Variants in GDAP1 observed in about 807,000 individuals in gnomAD.
GDAP1 encodes the protein ganglioside-induced differentiation-associated protein 1.
GDAP1 carries 34 observed loss-of-function variants against 40.1 expected under a neutral mutation model. The observed-to-expected ratio is 0.85, with a 90% CI of 0.64 to 1.13. GDAP1 has a LOEUF of 1.13. Among genes scored for constraint, GDAP1 ranks in the 50% most tolerant of loss-of-function variants. The probability of loss-of-function intolerance (pLI) is 0.00; values close to 1 mark genes in which losing one functional copy is unlikely to be tolerated. For synonymous variants in GDAP1, 170 were observed against 157.4 expected (o/e 1.08, Z -0.60); for missense variants, 374 against 433.7 (o/e 0.86, Z 1.22).
At chr8:74,389,356 T>C (rs986125765) in intron 2 of GDAP1, among the ~76,000 whole-genome samples, 2 of 152,224 alleles carry the variant, frequency 1.3e-5, no homozygotes, top group African/African-American at 4.8e-5. Flanking sequence ...CAGGAGCTCT[T>C]GTAAGGCAGG....
At chr8:74,391,444 G>C (rs1171224016) in intron 2 of GDAP1, among the ~76,000 whole-genome samples, 3 of 151,728 alleles carry the variant, frequency 2.0e-5, no homozygotes, top group Non-Finnish European at 4.4e-5. Flanking sequence ...GGAGTTCCTT[G>C]ACCCCTTCTG....
At chr8:74,429,764 A>G (rs903396957) in intron 2 of GDAP1, among the ~76,000 whole-genome samples, 3 of 152,182 alleles carry the variant, frequency 2.0e-5, no homozygotes, top group African/African-American at 7.2e-5. Context: ...CCAACACATG[A>G]GTTTTGAGGG....
intron 2 of GDAP1, among the ~76,000 whole-genome samples, chr8:74,375,165 A>G (rs969579152): frequency 2.0e-5 from 3 of 152,148 alleles, no homozygotes; most frequent in Non-Finnish European, 2.9e-5. Flanking sequence ...TGTCTCTACT[A>G]AAAATACAAA....
downstream of GDAP1, among the ~76,000 whole-genome samples, chr8:74,370,784 A>T (rs1270025679): frequency 6.6e-6 from 1 of 152,242 alleles, no homozygotes; most frequent in Non-Finnish European, 1.5e-5. Flanking sequence ...ACATAAAAGT[A>T]TGGAAAGCGA....
At chr8:74,466,708 T>G (rs1161212353) in intron 2 of GDAP1, among the ~76,000 whole-genome samples, 1 of 152,180 alleles carries the variant, frequency 6.6e-6, no homozygotes, top group African/African-American at 2.4e-5. Flanking sequence ...AAGGCGCTGA[T>G]TAGATATCCA....
chr8:74,380,014 T>G (rs1378669533), intron 2 of GDAP1, among the ~76,000 whole-genome samples: 2 of 152,218 alleles, frequency 1.3e-5, no homozygotes, highest in Admixed American at 6.5e-5. Context: ...TATACTGCAC[T>G]TGGGATACTG....
At chr8:74,442,910 A>G (rs1806179834) in intron 2 of GDAP1, among the ~76,000 whole-genome samples, 1 of 152,196 alleles carries the variant, frequency 6.6e-6, no homozygotes, top group South Asian at 2.1e-4. Flanking sequence ...CTAGGATTTC[A>G]TTCATTCATT....
downstream of GDAP1, among the ~76,000 whole-genome samples, chr8:74,367,509 C>T (rs754287033): frequency 6.6e-6 from 1 of 151,578 alleles, no homozygotes; most frequent in Non-Finnish European, 1.5e-5. Flanking sequence ...TATCTAACTT[C>T]GTAGTCTGCT....
At chr8:74,360,357 T>C in intron 3 of GDAP1, 47 bp downstream of exon 3, 1 of 1,495,106 alleles carries the variant, frequency 6.7e-7, no homozygotes, top group South Asian at 1.1e-5. Context: ...ACACTTTCTT[T>C]TAATTCATTT....
At chr8:74,464,568 C>T (rs531947503) in intron 2 of GDAP1, among the ~76,000 whole-genome samples, 41 of 152,292 alleles carry the variant, frequency 2.7e-4, no homozygotes, top group Middle Eastern at 6.8e-3. Flanking sequence ...ATATGGTTGT[C>T]CCTGCGTCCA....
At chr8:74,354,253 G>GA (rs1809003691) in intron 2 of GDAP1, among the ~76,000 whole-genome samples, 1 of 152,112 alleles carries the variant, frequency 6.6e-6, no homozygotes, top group Admixed American at 6.5e-5. Flanking sequence ...ATGAGGTTGG[G>GA]AATAGTGTAT....
chr8:74,441,053 A>G (rs1351222931), intron 2 of GDAP1, among the ~76,000 whole-genome samples: 2 of 152,106 alleles, frequency 1.3e-5, no homozygotes, highest in Non-Finnish European at 2.9e-5. Flanking sequence ...TTAAAGTATC[A>G]GTAATCTGCA....
rs4554458 is a variant in GDAP1 at position 74,442,030 on chromosome 8, C to T, written c.166-46648C>T. Among the ~76,000 whole-genome samples, 112 of 152,264 alleles carry T rather than the reference C, an allele frequency of 7.4e-4. 1 individual carries two copies. The South Asian group carries it at 0.022, about 30-fold the overall frequency. On this transcript the variant is annotated intron_variant, in intron 2 of 2. Transcript: ENST00000523640. Reference sequence around the variant, plus strand: ...ATTTCTGTTCAATTTTCTTCATGCTCGTGGCCAGGGCTTTCTTGCTACCAT... The same window carrying T: ...ATTTCTGTTCAATTTTCTTCATGCTTGTGGCCAGGGCTTTCTTGCTACCAT...
Position 74,417,337 on chromosome 8 carries a change from A to T in GDAP1, c.165+66016A>T, listed in dbSNP as rs1271969483. Among the ~76,000 whole-genome samples the T allele has an allele frequency of 2.0e-5, 3 of 150,208 alleles. No homozygotes were observed. The East Asian group carries it at 5.8e-4, about 29-fold the overall frequency. On this transcript the variant is annotated intron_variant, in intron 2 of 2. Transcript: ENST00000523640. ...GAATGATTTACCCCTCAGATTAGGA[A>T]TAAGTCAACAAATGCTATTCAACAT...
intron 2 of GDAP1, among the ~76,000 whole-genome samples, chr8:74,469,196 T>C (rs1806511991): frequency 6.6e-6 from 1 of 152,192 alleles, no homozygotes; most frequent in South Asian, 2.1e-4. Flanking sequence ...ATTTTTATTA[T>C]ACATACAAGG....
intron 2 of GDAP1, among the ~76,000 whole-genome samples, chr8:74,395,696 T>C (rs1377185486): frequency 6.6e-6 from 1 of 152,226 alleles, no homozygotes; most frequent in Non-Finnish European, 1.5e-5. Context: ...GTGGATTTAA[T>C]TGCATCTTCA....
chr8:74,390,878 G>A (rs1810098389), intron 2 of GDAP1, among the ~76,000 whole-genome samples: 1 of 152,182 alleles, frequency 6.6e-6, no homozygotes, highest in Non-Finnish European at 1.5e-5. Context: ...GAGATGCCCT[G>A]CCCAGAGAGG....
intron 2 of GDAP1, among the ~76,000 whole-genome samples, chr8:74,479,489 A>T (rs948794706): frequency 2.0e-5 from 3 of 152,176 alleles, no homozygotes; most frequent in African/African-American, 7.2e-5. Flanking sequence ...TGTTGCTTCT[A>T]TGTTAAATGA....
intron 2 of GDAP1, among the ~76,000 whole-genome samples, chr8:74,394,507 C>A (rs1267366549): frequency 2.0e-5 from 3 of 152,208 alleles, no homozygotes; most frequent in African/African-American, 7.2e-5. Context: ...ATATTCACAT[C>A]TCTGTGCTTT....
Sources: gnomAD v4.1 joint callset for allele counts (sites outside exome capture counted in the v4.1 genomes callset) on GRCh38, gnomAD v4.1.1 for gene constraint, MANE v1.5 for transcripts, NCBI Gene and HGNC (gene_info 2026-07-23, HGNC 2026-07-21) for gene names.